Variants in LGALS8 observed in about 807,000 individuals in gnomAD.
The protein encoded by LGALS8 is galectin-8.
LGALS8 carries 30 observed loss-of-function variants against 35.9 expected under a neutral mutation model. That is an observed-to-expected ratio of 0.83 (90% CI 0.62 to 1.13). The LOEUF is 1.13. Among genes scored for constraint, LGALS8 ranks in the 50% most tolerant of loss-of-function variants. LGALS8 has a pLI of 0.00. For missense variants in LGALS8, 366 were observed against 388.7 expected, an observed-to-expected ratio of 0.94 and a Z score of 0.49; for synonymous variants, 138 against 136.1, an observed-to-expected ratio of 1.01 and a Z score of -0.10.
chr1:236,549,262 A>C lies in LGALS8; in HGVS notation c.*1101A>C. On this transcript the variant is annotated 3_prime_UTR_variant, in exon 10 of 10. Coordinates refer to ENST00000366584, the MANE Select transcript of LGALS8 (RefSeq NM_201544.4). The stretch of plus-strand genomic sequence containing the variant: ...TGATTAAAATCAAACCTGTATCAGC[A>C]AGTTAAATGGTTCCATTTCTGTGAT... The C allele has an allele frequency of 3.1e-6, 1 of 324,898 alleles. No homozygotes were observed. Among genetic ancestry groups the C allele is most frequent in the East Asian group, 4.6e-5 (1 of 21,594 alleles). The allele number at this position is 324,898 out of a possible 1,614,324, so 20.1% of individuals were successfully genotyped here. A position where few individuals can be genotyped will look rare whatever the true frequency, so the allele number is the denominator to read the frequency against.
chr1:236,541,513 A>C (rs2758169), intron 5 of LGALS8, 141 bp from the exon 6 acceptor site: 377,606 of 535,442 alleles, frequency 0.71, 134,381 homozygotes, highest in Non-Finnish European at 0.73. Flanking sequence ...GGAAAGGACC[A>C]CAGTGTCAAG....
rs1248177856 is a variant in LGALS8, at chr1:236,552,135, A to C, written c.*3974A>C. On this transcript the variant is annotated 3_prime_UTR_variant, in exon 10 of 10. Transcript: ENST00000366584. ...GAAAGGGATAAAAGAGCAAAGAAAT[A>C]AAAAGTAGTGTTACTGTATTTATTA... The C allele has an allele frequency of 2.8e-6, 4 of 1,420,742 alleles. No individual in the cohort carries two copies. In the South Asian group the frequency reaches 4.6e-5, roughly 16 times the overall value. The allele number at this position is 1,420,742 out of a possible 1,614,324, so 88.0% of individuals were successfully genotyped here.
At chr1:236,545,760 C>CTA (rs1212062283) in intron 9 of LGALS8, among the ~76,000 whole-genome samples, 1 of 103,016 alleles carries the variant, frequency 9.7e-6, no homozygotes, top group Admixed American at 9.4e-5. Context: ...GTGGGCTAAT[C>CTA]ATGGAAGGTT....
In LGALS8 at chr1:236,551,163, C is replaced by T; in HGVS notation, c.*3002C>T. 3.5e-6 allele frequency: 2 copies of T among 564,278 alleles called. No individual in the cohort carries two copies. The allele number at this position is 564,278 out of a possible 1,614,324, so 35.0% of individuals were successfully genotyped here. The stretch of plus-strand genomic sequence containing the variant: ...CCACGGACCGCCTCCCTCCACACCG[C>T]TCCTTCCGCCTTCATTCCTTGCCCA... On this transcript the variant is annotated 3_prime_UTR_variant, in exon 10 of 10. Coordinates refer to ENST00000366584, the MANE Select transcript of LGALS8 (RefSeq NM_201544.4).
At chr1:236,532,499 A>G (rs1279319489) in intron 2 of LGALS8, among the ~76,000 whole-genome samples, 1 of 152,164 alleles carries the variant, frequency 6.6e-6, no homozygotes, top group African/African-American at 2.4e-5. Flanking sequence ...TGCTCTGCCA[A>G]CGCTTCACAC....
At chr1:236,521,727 C>T (rs1352639159), upstream of LGALS8, among the ~76,000 whole-genome samples, 1 of 151,836 alleles carries the variant, frequency 6.6e-6, no homozygotes, top group Non-Finnish European at 1.5e-5. Context: ...ACTCAGGAGG[C>T]TGAGGCACAT....
rs928284812 is a variant in LGALS8 at position 236,524,093 on chromosome 1, G to T, written c.-104+32G>T. 4 of 456,008 alleles carry T rather than the reference G, an allele frequency of 8.8e-6. No individual in the cohort carries two copies. In the Admixed American group the frequency reaches 9.4e-5, roughly 11 times the overall value. 28.2% of individuals were successfully genotyped at this position (456,008 alleles called of 1,614,324 possible). ...CGCGCGACCCCCGGCCTCGGGTGGC[G>T]GGGCAGTCGCTAGAGGCGTGGCTGC... On this transcript the variant is annotated intron_variant, in intron 1 of 9. Coordinates refer to ENST00000366584, the MANE Select transcript of LGALS8 (RefSeq NM_201544.4).
intron 2 of LGALS8, among the ~76,000 whole-genome samples, chr1:236,531,940 G>C (rs994963695): frequency 6.6e-5 from 10 of 152,176 alleles, no homozygotes; most frequent in African/African-American, 1.9e-4. Flanking sequence ...CAAGTTCCAA[G>C]GTCGCCTCCC....
In LGALS8 at chr1:236,541,641, T is replaced by C. The variant is rs754326566; in HGVS notation, c.466-13T>C. 11 of 1,401,918 alleles carry C rather than the reference T, an allele frequency of 7.8e-6. No homozygotes were observed. The highest frequency in any genetic ancestry group is 8.8e-6 in the Non-Finnish European group (9 of 1,017,522). 86.8% of individuals were successfully genotyped at this position (1,401,918 alleles called of 1,614,324 possible). On this transcript the variant is annotated splice_polypyrimidine_tract_variant and intron_variant, in intron 5 of 9. Transcript: ENST00000366584. ...CTGGATGTTACAAATTAATCTTTAT[T>C]ATCTTTTCTCAGGACTTACAAAGTA...
chr1:236,545,452 C>T (rs181179953), intron 9 of LGALS8, among the ~76,000 whole-genome samples: 1 of 152,324 alleles, frequency 6.6e-6, no homozygotes, highest in African/African-American at 2.4e-5. Flanking sequence ...AAATATGTTT[C>T]TGGGATGCTG....
intron 7 of LGALS8, 179 bp downstream of exon 7, chr1:236,542,966 A>G (rs1313808763): frequency 3.7e-6 from 6 of 1,614,196 alleles, no homozygotes; most frequent in Non-Finnish European, 5.1e-6. Flanking sequence ...AACTGTCTAC[A>G]CCAAGAGCAA....
At position 236,532,776 on chromosome 1, in the gene LGALS8, G is replaced by A. The variant is rs561067411; in HGVS notation, c.46-4721G>A. On this transcript the variant is annotated intron_variant, in intron 2 of 9. Transcript: ENST00000366584. Reference sequence around the variant, plus strand: ...GGAGAATCGCTTGAACCCGGGAGGCGGAGATTGCAGTAAGCCGAGATCACG... The same window carrying A: ...GGAGAATCGCTTGAACCCGGGAGGCAGAGATTGCAGTAAGCCGAGATCACG... Among the ~76,000 whole-genome samples the A allele has an allele frequency of 7.2e-5, 11 of 152,228 alleles. No homozygotes were observed. The South Asian group carries it at 2.3e-3, about 32-fold the overall frequency.
chr1:236,539,247 T>C, intron 4 of LGALS8, 158 bp downstream of exon 4: 1 of 580,220 alleles, frequency 1.7e-6, no homozygotes, highest in Non-Finnish European at 3.1e-6. Context: ...GGAAGGCACC[T>C]AAATGTGAGG....
At chr1:236,542,927 G>A (rs1662102213) in intron 7 of LGALS8, 140 bp downstream of exon 7, 1 of 1,613,972 alleles carries the variant, frequency 6.2e-7, no homozygotes, top group Non-Finnish European at 8.5e-7. Context: ...TAGTAATAGA[G>A]GAGGAGACAT....
At chr1:236,541,614 T>A in intron 5 of LGALS8, 40 bp from the exon 6 acceptor site, 1 of 935,446 alleles carries the variant, frequency 1.1e-6, no homozygotes, top group Non-Finnish European at 1.6e-6. Flanking sequence ...AAATATTTTC[T>A]ACTGGATGTT....
intron 3 of LGALS8, 29 bp from the exon 4 acceptor site, chr1:236,538,850 A>C: frequency 6.4e-7 from 1 of 1,569,376 alleles, no homozygotes; most frequent in South Asian, 1.1e-5. Context: ...CTGAGCACTC[A>C]TGGGGCCCCT....
intron 6 of LGALS8, chr1:236,542,393 T>C: frequency 4.0e-6 from 1 of 252,084 alleles, no homozygotes; most frequent in East Asian, 9.1e-5. Context: ...AGTAGGCGGA[T>C]GACTTGAGCC....
chr1:236,524,324 C>T (rs1037539200), intron 1 of LGALS8: 27 of 456,098 alleles, frequency 5.9e-5, no homozygotes, highest in African/African-American at 4.8e-4. Flanking sequence ...TCTTGGACAT[C>T]CCTGGCTGGG....
chr1:236,546,065 T>C (rs1424803346), intron 9 of LGALS8, among the ~76,000 whole-genome samples: 1 of 152,132 alleles, frequency 6.6e-6, no homozygotes, highest in Non-Finnish European at 1.5e-5. Flanking sequence ...TCTGCTATAT[T>C]AATATAAAAA....
Sources: gnomAD v4.1 joint callset for allele counts (sites outside exome capture counted in the v4.1 genomes callset) on GRCh38, gnomAD v4.1.1 for gene constraint, MANE v1.5 for transcripts, NCBI Gene and HGNC (gene_info 2026-07-23, HGNC 2026-07-21) for gene names.